The following SF3B3 variants were observed in gnomAD, a reference collection of about 807,000 sequenced individuals.
The protein encoded by SF3B3 is splicing factor 3b subunit 3, also known as SAP 130.
SF3B3 carries 33 observed loss-of-function variants against 139.2 expected under a neutral mutation model. The ratio of observed to expected loss-of-function variants is 0.24; its 90% CI spans 0.18 to 0.32. The LOEUF is 0.32. Ranked by LOEUF, SF3B3 falls within the 10% of genes least tolerant of loss-of-function variation. SF3B3 has a pLI of 1.00. For missense variants in SF3B3, 818 were observed against 1,509.4 expected (o/e 0.54, Z 7.59); for synonymous variants, 596 against 563.6 (o/e 1.06, Z -0.81).
chr16:70,530,935 TC>T lies in SF3B3; in HGVS notation c.570+19del. On this transcript the variant is annotated intron_variant, in intron 4 of 25. Coordinates refer to ENST00000302516, the MANE Select transcript of SF3B3 (RefSeq NM_012426.5). ...ATTATGAGGTAATGGGGACCCTGTC[TC>T]TTTGCGTTTCTTTCAGTCACCTCAG... 6.3e-7 allele frequency: 1 copy of T among 1,582,172 alleles called. No homozygotes were observed. The highest frequency in any genetic ancestry group is 8.6e-7 in the Non-Finnish European group (1 of 1,166,146).
intron 18 of SF3B3, among the ~76,000 whole-genome samples, chr16:70,564,297 AG>A (rs1567424022): frequency 6.6e-6 from 1 of 152,202 alleles, no homozygotes; most frequent in Non-Finnish European, 1.5e-5. Flanking sequence ...ACTTGAGCCC[AG>A]GAGTTCAAGA....
At position 70,573,046 on chromosome 16, in the gene SF3B3, G is replaced by A. The variant is rs2050544642; in HGVS notation, c.*1233G>A. 1 of 152,162 alleles carries A rather than the reference G, an allele frequency of 6.6e-6. No homozygotes were observed. Among genetic ancestry groups the A allele is most frequent in the Non-Finnish European group, 1.5e-5 (1 of 68,044 alleles). The allele number at this position is 152,162 out of a possible 1,614,324, so 9.4% of individuals were successfully genotyped here. ...GAGCACTGGGTTAGAATCAGGAATG[G>A]TGGAATACAATCTGAACCTCTCAGA... On this transcript the variant is annotated 3_prime_UTR_variant, in exon 26 of 26. Transcript: ENST00000302516.
At chr16:70,548,464 G>A (rs761838065) in intron 11 of SF3B3, 22 bp downstream of exon 11, 1 of 1,604,398 alleles carries the variant, frequency 6.2e-7, no homozygotes, top group Non-Finnish European at 8.5e-7. Context: ...TTTCCCAATA[G>A]TCAAAATGAG....
chr16:70,555,374 G>A lies in SF3B3; in HGVS notation c.1710+168G>A, dbSNP rs2050369689. ...GCACCTTGTAGTCCTAGCTACTCAG[G>A]AGGCTGAGGCAGGAGAATTGCTTGA... On this transcript the variant is annotated intron_variant, in intron 13 of 25. Coordinates refer to ENST00000302516, the MANE Select transcript of SF3B3 (RefSeq NM_012426.5). Among the ~76,000 whole-genome samples, 2 of 151,720 alleles carry A rather than the reference G, an allele frequency of 1.3e-5. 1 individual carries two copies. The highest frequency in any genetic ancestry group is 4.2e-4 in the South Asian group (2 of 4,806).
chr16:70,571,647 T>G, intron 25 of SF3B3, 26 bp from the exon 26 acceptor site: 1 of 1,591,712 alleles, frequency 6.3e-7, no homozygotes, highest in Non-Finnish European at 8.5e-7. Context: ...ACCATTTTTT[T>G]TCTTTCTGCT....
chr16:70,553,221 C>G (rs4592653), intron 11 of SF3B3, among the ~76,000 whole-genome samples: 5,386 of 152,100 alleles, frequency 0.035, 295 homozygotes, highest in East Asian at 0.21. Context: ...CATGCCTGGT[C>G]GAATGATACA....
At chr16:70,531,142 G>A (rs947226703) in intron 4 of SF3B3, among the ~76,000 whole-genome samples, 6 of 151,928 alleles carry the variant, frequency 3.9e-5, no homozygotes, top group African/African-American at 1.4e-4. Flanking sequence ...CGTGGCGGGC[G>A]CCTGTGGTCC....
intron 22 of SF3B3, among the ~76,000 whole-genome samples, chr16:70,568,748 A>G (rs1171843861): frequency 6.6e-6 from 1 of 152,174 alleles, no homozygotes; most frequent in Non-Finnish European, 1.5e-5. Flanking sequence ...GCTAATGGCT[A>G]ATATTTCTTT....
At chr16:70,548,754 G>T (rs1008011906) in intron 11 of SF3B3, among the ~76,000 whole-genome samples, 2 of 152,174 alleles carry the variant, frequency 1.3e-5, no homozygotes, top group Non-Finnish European at 2.9e-5. Flanking sequence ...ATCTGTAAGA[G>T]GTATGATATG....
rs1024849272 is a variant in SF3B3 at position 70,554,549 on chromosome 16, C to T, written c.1506C>T (p.Thr502=). The T allele has an allele frequency of 7.4e-6, 12 of 1,614,020 alleles. No individual in the cohort carries two copies. The African/African-American group carries it at 9.3e-5, about 13-fold the overall frequency. The stretch of plus-strand genomic sequence containing the variant: ...TGACTGACTCTGGGTTCCTGGGGAC[C>T]ACCCCGACCTTGTCCTGCTCCTTAT... ...EEVTDSGFLG[T]TPTLSCSLLG... The change falls in exon 12 of 26, where the codon ACC becomes ACT. Residue 502 remains threonine (T), a synonymous_variant. Transcript: ENST00000302516.
intron 6 of SF3B3, among the ~76,000 whole-genome samples, chr16:70,536,971 C>T (rs1321858894): frequency 6.6e-6 from 1 of 151,834 alleles, no homozygotes; most frequent in African/African-American, 2.4e-5. Context: ...TTACCATGCC[C>T]AGCTAATTTT....
intron 13 of SF3B3, among the ~76,000 whole-genome samples, 200 bp from the exon 14 acceptor site, chr16:70,555,979 T>C (rs2050376759): frequency 6.6e-6 from 1 of 152,240 alleles, no homozygotes; most frequent in Non-Finnish European, 1.5e-5. Flanking sequence ...TCATTTTGCT[T>C]GCTGTGAGCC....
chr16:70,568,573 G>A lies in SF3B3; in HGVS notation c.3165+78G>A, dbSNP rs998819247. 15 of 1,152,268 alleles carry A rather than the reference G, an allele frequency of 1.3e-5. No individual in the cohort carries two copies. In the South Asian group the frequency reaches 2.0e-4, roughly 15 times the overall value. The allele number at this position is 1,152,268 out of a possible 1,614,324, so 71.4% of individuals were successfully genotyped here. On this transcript the variant is annotated intron_variant, in intron 22 of 25. Coordinates refer to ENST00000302516, the MANE Select transcript of SF3B3 (RefSeq NM_012426.5). Reference sequence around the variant, plus strand: ...AGTTTCTTGTGGGTAAAGCCAAGGAGGAATCAAATCTGAGAAGTAAAAATG... The same window carrying A: ...AGTTTCTTGTGGGTAAAGCCAAGGAAGAATCAAATCTGAGAAGTAAAAATG...
At position 70,567,417 on chromosome 16, in the gene SF3B3, G is replaced by T. The variant is rs185464188; in HGVS notation, c.2833G>T (p.Val945Leu). 4.4e-4 allele frequency: 715 copies of T among 1,613,600 alleles called. 3 individuals carry two copies. The East Asian group carries it at 4.7e-3, about 11-fold the overall frequency. Residue 945 changes from valine to leucine, a missense_variant, in exon 21 of 26, where the codon GTG (valine) becomes TTG (leucine). Around this residue, in one of 14 missense-constraint regions of SF3B3, gnomAD observed 145 missense variants for 153.6 expected, o/e 0.94. Coordinates refer to ENST00000302516, the MANE Select transcript of SF3B3 (RefSeq NM_012426.5). ...EKLEFLHKTP[V>L]EEVPAAIAPF... ...ACCTGCTTTTCCTCTATAGACTCCT[G>T]TGGAAGAGGTCCCTGCTGCTATTGC...
intron 13 of SF3B3, among the ~76,000 whole-genome samples, chr16:70,555,902 G>C (rs1188201003): frequency 6.6e-6 from 1 of 152,162 alleles, no homozygotes; most frequent in Non-Finnish European, 1.5e-5. Context: ...AACAAAGTTG[G>C]CTCAGAAAAT....
At chr16:70,540,961 T>C (rs1430209421) in intron 8 of SF3B3, among the ~76,000 whole-genome samples, 2 of 152,216 alleles carry the variant, frequency 1.3e-5, no homozygotes, top group Non-Finnish European at 2.9e-5. Flanking sequence ...TGGGTATATA[T>C]GTAGGAGTGG....
At chr16:70,536,340 T>A (rs1453329772) in intron 6 of SF3B3, among the ~76,000 whole-genome samples, 1 of 151,912 alleles carries the variant, frequency 6.6e-6, no homozygotes, top group Non-Finnish European at 1.5e-5. Flanking sequence ...GCTAAATTTT[T>A]TTTGTATTTT....
In SF3B3 at chr16:70,528,901, C is replaced by T. The variant is rs1051963860; in HGVS notation, c.99C>T (p.Ser33=). The T allele has an allele frequency of 6.2e-6, 10 of 1,610,934 alleles. No homozygotes were observed. The highest frequency in any genetic ancestry group is 1.3e-5 in the African/African-American group (1 of 74,754). Residue 33 remains serine, a synonymous_variant, in exon 3 of 26, where the codon TCC becomes TCT. Coordinates refer to ENST00000302516, the MANE Select transcript of SF3B3 (RefSeq NM_012426.5). ...SGTKQQEIVV[S]RGKILELLRP... ...CCAAACAACAAGAAATTGTTGTTTCCCGTGGGAAGATCTTGGAGCTGCTTC... is the reference window on the plus strand; with the variant it reads ...CCAAACAACAAGAAATTGTTGTTTCTCGTGGGAAGATCTTGGAGCTGCTTC...
At chr16:70,535,271 A>T in intron 5 of SF3B3, 37 bp from the exon 6 acceptor site, 1 of 1,073,972 alleles carries the variant, frequency 9.3e-7, no homozygotes, top group Non-Finnish European at 1.4e-6. Flanking sequence ...TTCATGTCTG[A>T]GTCAAAGTCA....
Sources: gnomAD v4.1 joint callset for allele counts (sites outside exome capture counted in the v4.1 genomes callset) on GRCh38, gnomAD v4.1.1 for gene constraint, gnomAD v4.1.1 regional missense constraint, MANE v1.5 for transcripts, NCBI Gene and HGNC (gene_info 2026-07-23, HGNC 2026-07-21) for gene names.